PPP4R1: variants seen among roughly 807,000 people sequenced by gnomAD.
The protein encoded by PPP4R1 is protein phosphatase 4 regulatory subunit 1.
In PPP4R1, 42 loss-of-function variants were observed where a neutral mutation model predicts 111.2. The observed-to-expected ratio is 0.38, with a 90% CI of 0.29 to 0.49. The LOEUF (loss-of-function observed/expected upper bound fraction) is 0.49, where lower values mean the gene tolerates loss of function less well. Among genes scored for constraint, PPP4R1 ranks in the 20% least tolerant of loss-of-function variants. The probability of loss-of-function intolerance (pLI) is 0.97; values close to 1 mark genes in which losing one functional copy is unlikely to be tolerated. For missense variants in PPP4R1, 1,012 were observed against 1,161.6 expected (o/e 0.87, Z 1.87); for synonymous variants, 409 against 405.5 (o/e 1.01, Z -0.10).
At chr18:9,578,649 A>G (rs566009854) in intron 9 of PPP4R1, among the ~76,000 whole-genome samples, 10 of 152,260 alleles carry the variant, frequency 6.6e-5, no homozygotes, top group African/African-American at 1.9e-4. Flanking sequence ...AAATGTAGAG[A>G]TATCTATTAT....
chr18:9,548,270 A>AT (rs1308865842), intron 19 of PPP4R1, among the ~76,000 whole-genome samples: 2 of 151,802 alleles, frequency 1.3e-5, no homozygotes, highest in African/African-American at 4.8e-5. Context: ...AAATGCTTCC[A>AT]AACACCAACT....
rs754830465 is a variant in PPP4R1 at position 9,569,031 on chromosome 18, C to CAA, written c.1573+1124_1573+1125dup. On this transcript the variant is annotated intron_variant, in intron 11 of 19. Transcript: ENST00000400556. ...GCCTGGTGACAGAGTGAGACTGTCT[C>CAA]AAAAAAAAAAAAAAAGTAGCTGGGT... is the stretch of plus-strand genomic sequence containing the variant. Among the ~76,000 whole-genome samples the CAA allele has an allele frequency of 1.2e-4, 15 of 129,112 alleles. No individual in the cohort carries two copies. In the East Asian group the frequency reaches 2.7e-3, roughly 23 times the overall value. 84.7% of individuals were successfully genotyped at this position (129,112 alleles called of 152,430 possible).
rs1288024347 is a variant in PPP4R1 at position 9,547,082 on chromosome 18, T to C, written c.*707A>G. The C allele has an allele frequency of 1.3e-5, 2 of 152,740 alleles. No individual in the cohort carries two copies. Among genetic ancestry groups the C allele is most frequent in the African/African-American group, 4.8e-5 (2 of 41,452 alleles). The allele number at this position is 152,740 out of a possible 1,614,324, so 9.5% of individuals were successfully genotyped here. A position where few individuals can be genotyped will look rare whatever the true frequency, so the allele number is the denominator to read the frequency against. ...TCAAGTTAAAAACACCAGACATACA[T>C]TATACGTCTAATAAATTTCCTTCAG... is the stretch of plus-strand genomic sequence containing the variant. On this transcript the variant is annotated 3_prime_UTR_variant, in exon 20 of 20. Transcript: ENST00000400556.
chr18:9,597,464 G>A (rs2067308280), intron 2 of PPP4R1, among the ~76,000 whole-genome samples: 1 of 152,166 alleles, frequency 6.6e-6, no homozygotes, highest in Non-Finnish European at 1.5e-5. Flanking sequence ...GTCTTTAGGT[G>A]AGTATTGAAA....
At chr18:9,571,708 G>A (rs1287465415) in intron 10 of PPP4R1, among the ~76,000 whole-genome samples, 2 of 152,176 alleles carry the variant, frequency 1.3e-5, no homozygotes, top group African/African-American at 4.8e-5. Flanking sequence ...GCATCTAAAG[G>A]AGAAACAGGA....
At chr18:9,566,285 G>GTC (rs2066763590) in intron 11 of PPP4R1, among the ~76,000 whole-genome samples, 1 of 152,080 alleles carries the variant, frequency 6.6e-6, no homozygotes, top group African/African-American at 2.4e-5. Context: ...CTAAAGAGAA[G>GTC]TCAATGCCTG....
At chr18:9,565,998 C>T (rs2066758788) in intron 11 of PPP4R1, among the ~76,000 whole-genome samples, 1 of 152,010 alleles carries the variant, frequency 6.6e-6, no homozygotes, top group African/African-American at 2.4e-5. Flanking sequence ...GCAACCCCTG[C>T]ATCCCGGGTT....
chr18:9,615,175 A>G (rs2067673876), upstream of PPP4R1: 1 of 152,216 alleles, frequency 6.6e-6, no homozygotes, highest in Non-Finnish European at 1.5e-5. Context: ...TTGACTGACA[A>G]AGTCATGCCT....
Position 9,614,199 on chromosome 18 carries a change from A to G in PPP4R1, c.52+27T>C. On this transcript the variant is annotated intron_variant, in intron 2 of 19. Transcript: ENST00000400556. The surrounding 1 kb of genome is among the most constrained non-coding windows in gnomAD (Gnocchi z 4.1). ...CCCCGGCCGCTCCCCGCGGACTGCCAGGCCACCGCGAGGCCGGGCCACTCA... is the reference window on the plus strand; with the variant it reads ...CCCCGGCCGCTCCCCGCGGACTGCCGGGCCACCGCGAGGCCGGGCCACTCA... 7.5e-7 allele frequency: 1 copy of G among 1,334,510 alleles called. No individual in the cohort carries two copies. The highest frequency in any genetic ancestry group is 9.7e-7 in the Non-Finnish European group (1 of 1,029,804). 82.7% of individuals were successfully genotyped at this position (1,334,510 alleles called of 1,614,324 possible). A position where few individuals can be genotyped will look rare whatever the true frequency, so the allele number is the denominator to read the frequency against.
chr18:9,564,527 T>C (rs1235357914), intron 11 of PPP4R1, among the ~76,000 whole-genome samples: 1 of 152,168 alleles, frequency 6.6e-6, no homozygotes, highest in Admixed American at 6.5e-5. Context: ...CAAAAAGTTG[T>C]AGTGGAATAT....
At chr18:9,557,437 C>T in intron 14 of PPP4R1, 55 bp from the exon 15 acceptor site, 1 of 1,442,082 alleles carries the variant, frequency 6.9e-7, no homozygotes, top group Non-Finnish European at 9.3e-7. Flanking sequence ...AGTACTTTAA[C>T]CATTAGGCAA....
chr18:9,570,726 A>C lies in PPP4R1; in HGVS notation c.1047-43T>G, dbSNP rs759354774. On this transcript the variant is annotated intron_variant, in intron 10 of 19. Transcript: ENST00000400556. ...GGTGGGAAAAAAACAATATGAAAGG[A>C]TAATTACTTTAAAAAAACTGATGAA... 38 of 1,488,414 alleles carry C rather than the reference A, an allele frequency of 2.6e-5. 1 individual carries two copies. In the South Asian group the frequency reaches 4.0e-4, roughly 16 times the overall value. The allele number at this position is 1,488,414 out of a possible 1,614,324, so 92.2% of individuals were successfully genotyped here. A position where few individuals can be genotyped will look rare whatever the true frequency, so the allele number is the denominator to read the frequency against.
At chr18:9,593,974 C>G in intron 3 of PPP4R1, 100 bp from the exon 4 acceptor site, 1 of 906,518 alleles carries the variant, frequency 1.1e-6, no homozygotes, top group South Asian at 1.5e-5. Flanking sequence ...GTTGCCCAGG[C>G]CGGAGTGTAA....
chr18:9,566,968 C>T (rs905767784), intron 11 of PPP4R1, among the ~76,000 whole-genome samples: 2 of 152,194 alleles, frequency 1.3e-5, no homozygotes, highest in Non-Finnish European at 2.9e-5. Flanking sequence ...TACCTGCTAA[C>T]ACAATACCCA....
chr18:9,581,697 CG>C (rs1365433651), intron 9 of PPP4R1, among the ~76,000 whole-genome samples: 1 of 152,056 alleles, frequency 6.6e-6, no homozygotes, highest in Non-Finnish European at 1.5e-5. Context: ...TATTGAAAAA[CG>C]TAACTTACAT....
chr18:9,562,038 G>A lies in PPP4R1; in HGVS notation c.1784C>T (p.Ser595Leu), dbSNP rs779361650. ...DSTLHYIHSD[S>L]DLSNNSSFSP... Reference sequence around the variant, plus strand: ...AAAACTGCTATTGTTGCTCAAGTCTGAATCGCTGTGAATATAGTGAAGAGT... The same window carrying A: ...AAAACTGCTATTGTTGCTCAAGTCTAAATCGCTGTGAATATAGTGAAGAGT... Residue 595 changes from serine (S) to leucine (L), a missense_variant, in exon 13 of 20, where the codon TCA (serine) becomes TTA (leucine). Physicochemically the swap from Ser to Leu is moderately radical, Grantham distance 145. Around this residue, in one of 2 missense-constraint regions of PPP4R1, gnomAD observed 707 missense variants for 742.1 expected, o/e 0.95. Coordinates refer to ENST00000400556, the MANE Select transcript of PPP4R1 (RefSeq NM_001042388.3). 79 of 1,612,996 alleles carry A rather than the reference G, an allele frequency of 4.9e-5. No homozygotes were observed. Among genetic ancestry groups the A allele is most frequent in the Non-Finnish European group, 6.4e-5 (76 of 1,179,258 alleles).
chr18:9,557,410 C>T (rs2066604536), intron 14 of PPP4R1, 28 bp from the exon 15 acceptor site: 3 of 1,568,796 alleles, frequency 1.9e-6, no homozygotes, highest in African/African-American at 2.8e-5. Flanking sequence ...CATTAGTAAG[C>T]TAACCACAAA....
chr18:9,616,545 A>T (rs62088914), upstream of PPP4R1, among the ~76,000 whole-genome samples: 14,134 of 152,166 alleles, frequency 0.093, 698 homozygotes, highest in African/African-American at 0.11. Flanking sequence ...AAGCACCAGG[A>T]TTACAGGTGT....
At chr18:9,597,431 A>C (rs2067307353) in intron 2 of PPP4R1, among the ~76,000 whole-genome samples, 2 of 152,208 alleles carry the variant, frequency 1.3e-5, no homozygotes, top group Non-Finnish European at 2.9e-5. Flanking sequence ...AGAACTTTAG[A>C]AAGCTGCAGA....
Sources: gnomAD v4.1 joint callset for allele counts (sites outside exome capture counted in the v4.1 genomes callset) on GRCh38, gnomAD v4.1.1 for gene constraint, gnomAD v4.1.1 regional missense constraint, Gnocchi (gnomAD v3.1) non-coding constraint, MANE v1.5 for transcripts, NCBI Gene and HGNC (gene_info 2026-07-23, HGNC 2026-07-21) for gene names.